The following MMP26 variants were observed in gnomAD, a reference collection of about 807,000 sequenced individuals.
MMP26 encodes the protein matrix metalloproteinase-26.
Under a neutral mutation model 31.0 loss-of-function variants are expected in MMP26, and 33 were observed. The observed-to-expected ratio is 1.06, with a 90% CI of 0.81 to 1.42. The LOEUF (loss-of-function observed/expected upper bound fraction) is 1.42, where lower values mean the gene tolerates loss of function less well. Among genes scored for constraint, MMP26 ranks in the 40% most tolerant of loss-of-function variants. MMP26 has a pLI of 0.00. For synonymous variants in MMP26, 122 were observed against 114.9 expected (o/e 1.06, Z -0.40); for missense variants, 347 against 316.1 (o/e 1.10, Z -0.74).
At chr11:4,950,471 A>G (rs11601099) in intron 2 of MMP26, among the ~76,000 whole-genome samples, 38,149 of 119,130 alleles carry the variant, frequency 0.32, 12,665 homozygotes, top group Middle Eastern at 0.51. Context: ...TGTGGAATCT[A>G]AAACAATTGA....
In MMP26 at chr11:4,910,716, T is replaced by C. The variant is rs902265841; in HGVS notation, c.-144-77352T>C. Among the ~76,000 whole-genome samples the C allele has an allele frequency of 3.9e-5, 6 of 152,168 alleles. 1 individual carries two copies. The South Asian group carries it at 1.2e-3, about 32-fold the overall frequency. On this transcript the variant is annotated intron_variant, in intron 2 of 7. Coordinates refer to ENST00000380390, the MANE Select transcript of MMP26 (RefSeq NM_021801.5). ...CAAATTGTAAACTCCATAGGATACA[T>C]ATGTCTGCACATCTTAGTTTTTCTG...
At chr11:4,722,503 G>T (rs1241319653) in intron 1 of MMP26, among the ~76,000 whole-genome samples, 2 of 102,842 alleles carry the variant, frequency 1.9e-5, no homozygotes, top group Non-Finnish European at 3.8e-5. Flanking sequence ...GGCAGGGTTA[G>T]CTGAGGATTT....
chr11:4,712,202 T>C (rs1371674600), intron 1 of MMP26: 1 of 152,160 alleles, frequency 6.6e-6, no homozygotes, highest in Non-Finnish European at 1.5e-5. Context: ...GCAAACACTG[T>C]GGAAGGGAGG....
intron 1 of MMP26, chr11:4,719,545 A>G (rs963528064): frequency 6.5e-6 from 1 of 153,264 alleles, no homozygotes; most frequent in Non-Finnish European, 1.5e-5. Flanking sequence ...ACTCCATTGT[A>G]GCACGGCAAA....
rs184750409 is a variant in MMP26 at position 4,735,691 on chromosome 11, A to G, written c.-217+30646A>G. Reference sequence around the variant, plus strand: ...TCTGTAATATTGTTTAGCATCTCGCAATAGTAGACCCTCAGTAAATGAAAG... The same window carrying G: ...TCTGTAATATTGTTTAGCATCTCGCGATAGTAGACCCTCAGTAAATGAAAG... On this transcript the variant is annotated intron_variant, in intron 1 of 7. Transcript: ENST00000380390. 4.9e-3 allele frequency among the ~76,000 whole-genome samples: 750 copies of G among 152,298 alleles called. 6 individuals are homozygous for G. Among genetic ancestry groups the G allele is most frequent in the Admixed American group, 0.011 (168 of 15,290 alleles).
At chr11:4,791,919 C>G (rs1280439551) in intron 2 of MMP26, among the ~76,000 whole-genome samples, 1 of 151,714 alleles carries the variant, frequency 6.6e-6, no homozygotes, top group Non-Finnish European at 1.5e-5. Context: ...ATCACCCTAT[C>G]TAATTGTTTA....
chr11:4,931,382 A>G (rs1391169711), intron 2 of MMP26, among the ~76,000 whole-genome samples: 1 of 152,030 alleles, frequency 6.6e-6, no homozygotes, highest in Admixed American at 6.6e-5. Context: ...ATAATAGTTG[A>G]CTGGAGGGCT....
rs1405718320 is a variant in MMP26, at chr11:4,991,413, T to A, written c.512T>A (p.Leu171Ter). ...GWPFDGPGGI[L>*]GHAFLPNSGN... ...CCCTTTGATGGGCCAGGTGGTATCT[T>A]AGGCCATGCCTTTTTACCAAATTCT... Residue 171 changes from leucine (L) to a stop codon, truncating the protein, a stop_gained, in exon 6 of 8, where the codon TTA becomes TAA. Coordinates refer to ENST00000380390, the MANE Select transcript of MMP26 (RefSeq NM_021801.5). LOFTEE classifies it high-confidence loss of function. 6.2e-7 allele frequency: 1 copy of A among 1,614,062 alleles called. No homozygotes were observed. Among genetic ancestry groups the A allele is most frequent in the South Asian group, 1.1e-5 (1 of 91,062 alleles).
chr11:4,970,134 T>C (rs1461042550), intron 2 of MMP26, among the ~76,000 whole-genome samples: 1 of 152,210 alleles, frequency 6.6e-6, no homozygotes, highest in East Asian at 1.9e-4. Context: ...TAGTAAAGCA[T>C]AGTAATACAA....
chr11:4,758,466 G>GGA (rs1848532232), intron 1 of MMP26, among the ~76,000 whole-genome samples: 1 of 93,346 alleles, frequency 1.1e-5, no homozygotes, highest in Non-Finnish European at 2.3e-5. Flanking sequence ...CATCCATTTG[G>GGA]AAAAAAAAAA....
At chr11:4,714,865 A>T (rs1191990063) in intron 1 of MMP26, among the ~76,000 whole-genome samples, 1 of 151,746 alleles carries the variant, frequency 6.6e-6, no homozygotes, top group Non-Finnish European at 1.5e-5. Flanking sequence ...ACCCTCCAAT[A>T]CTAGGACAGA....
intron 2 of MMP26, among the ~76,000 whole-genome samples, chr11:4,962,108 C>T (rs776625224): frequency 6.6e-6 from 1 of 152,010 alleles, no homozygotes; most frequent in Non-Finnish European, 1.5e-5. Context: ...ATCCTCAAAT[C>T]CTTGGTCAAG....
chr11:4,762,765 G>C (rs1182033930), intron 1 of MMP26, among the ~76,000 whole-genome samples: 1 of 152,120 alleles, frequency 6.6e-6, no homozygotes, highest in Non-Finnish European at 1.5e-5. Context: ...CACTAGAATG[G>C]GAGGCAAATA....
At chr11:4,791,562 A>G (rs948358320) in intron 2 of MMP26, among the ~76,000 whole-genome samples, 1 of 152,106 alleles carries the variant, frequency 6.6e-6, no homozygotes, top group African/African-American at 2.4e-5. Flanking sequence ...TTATATTGTT[A>G]ATACTATCAC....
At chr11:4,850,612 T>TA (rs903008417) in intron 2 of MMP26, among the ~76,000 whole-genome samples, 67 of 152,040 alleles carry the variant, frequency 4.4e-4, no homozygotes, top group African/African-American at 1.5e-3. Flanking sequence ...AAAAGTAAAA[T>TA]AAAAAAACTT....
intron 2 of MMP26, among the ~76,000 whole-genome samples, chr11:4,793,389 CTT>C (rs1849059159): frequency 6.6e-6 from 1 of 152,044 alleles, no homozygotes; most frequent in South Asian, 2.1e-4. Flanking sequence ...AAACGAGAGA[CTT>C]ATAAATAAAT....
intron 2 of MMP26, among the ~76,000 whole-genome samples, chr11:4,902,997 CT>C (rs1202747903): frequency 1.3e-5 from 2 of 151,474 alleles, no homozygotes; most frequent in Non-Finnish European, 2.9e-5. Flanking sequence ...CAAAGTTTTT[CT>C]TTTTAACTTA....
rs947764468 is a variant in MMP26, at chr11:4,934,191, C to G, written c.-144-53877C>G. On this transcript the variant is annotated intron_variant, in intron 2 of 7. Transcript: ENST00000380390. ...TTGAACTAGTTTACAGTCCCACCAA[C>G]AGTGTAAAAGTGTTCCTGTTTCTCC... Among the ~76,000 whole-genome samples the G allele has an allele frequency of 4.1e-5, 6 of 146,338 alleles. No homozygotes were observed. In the East Asian group the frequency reaches 6.0e-4, roughly 15 times the overall value.
At chr11:4,736,482 G>GT (rs1274029548) in intron 1 of MMP26, 5 of 152,240 alleles carry the variant, frequency 3.3e-5, no homozygotes, top group Non-Finnish European at 7.3e-5. Context: ...CACTCCTGCA[G>GT]TAACTATGAG....
Sources: gnomAD v4.1 joint callset for allele counts (sites outside exome capture counted in the v4.1 genomes callset) on GRCh38, gnomAD v4.1.1 for gene constraint, MANE v1.5 for transcripts, NCBI Gene and HGNC (gene_info 2026-07-23, HGNC 2026-07-21) for gene names.